The following RHBDD1 variants were observed in gnomAD, a reference collection of about 807,000 sequenced individuals.
The protein encoded by RHBDD1 is rhomboid domain containing 1.
In RHBDD1, 38 loss-of-function variants were observed where a neutral mutation model predicts 36.3. The ratio of observed to expected loss-of-function variants is 1.05; its 90% CI spans 0.81 to 1.37. The LOEUF (loss-of-function observed/expected upper bound fraction) is 1.37. Among genes scored for constraint, RHBDD1 ranks in the 40% most tolerant of loss-of-function variants. The pLI, the probability that RHBDD1 is intolerant of heterozygous loss-of-function variation, is 0.00. For missense variants in RHBDD1, 393 were observed against 377.6 expected (o/e 1.04, Z -0.34); for synonymous variants, 151 against 136.5 (o/e 1.11, Z -0.74).
chr2:226,910,128 AC>A (rs2125674512), intron 7 of RHBDD1, among the ~76,000 whole-genome samples: 1 of 152,322 alleles, frequency 6.6e-6, no homozygotes, highest in Non-Finnish European at 1.5e-5. Context: ...ATTTAACCTT[AC>A]AAAATAGGGC....
At chr2:226,867,619 T>C in intron 5 of RHBDD1, 1 of 985,322 alleles carries the variant, frequency 1.0e-6, no homozygotes, top group African/African-American at 1.7e-5. Flanking sequence ...ATCAGCTGGT[T>C]AATTCTGAAA....
intron 5 of RHBDD1, among the ~76,000 whole-genome samples, chr2:226,891,812 G>A (rs1946711697): frequency 6.6e-6 from 1 of 152,226 alleles, no homozygotes; most frequent in South Asian, 2.1e-4. Flanking sequence ...GAATACTGAA[G>A]ACCTGGGCTG....
intron 5 of RHBDD1, 113 bp downstream of exon 5, chr2:226,867,431 T>C (rs1438395561): frequency 7.9e-7 from 1 of 1,273,032 alleles, no homozygotes; most frequent in Non-Finnish European, 1.1e-6. Context: ...TTATTCTTTA[T>C]CTATTAGGAC....
intron 8 of RHBDD1, among the ~76,000 whole-genome samples, chr2:226,993,867 A>G (rs1958809001): frequency 6.6e-6 from 1 of 152,256 alleles, no homozygotes. Context: ...TGGTTTTAAC[A>G]GTTGCCATGT....
intron 8 of RHBDD1, among the ~76,000 whole-genome samples, chr2:226,922,779 T>C (rs1949413558): frequency 6.6e-6 from 1 of 152,192 alleles, no homozygotes. Context: ...TTTGTGTATC[T>C]GTTGTATATT....
intron 3 of RHBDD1, among the ~76,000 whole-genome samples, chr2:226,847,563 A>C (rs148670294): frequency 6.6e-6 from 1 of 152,210 alleles, no homozygotes. Flanking sequence ...CAGCAGAGGA[A>C]AGCATATTCA....
chr2:226,912,548 A>G (rs1948595728), intron 7 of RHBDD1, among the ~76,000 whole-genome samples: 1 of 152,144 alleles, frequency 6.6e-6, no homozygotes, highest in African/African-American at 2.4e-5. Flanking sequence ...GTACCGATAA[A>G]TGTAACAAAA....
chr2:226,882,360 G>T lies in RHBDD1; in HGVS notation c.566+15042G>T, dbSNP rs561040614. On this transcript the variant is annotated intron_variant, in intron 5 of 8. Coordinates refer to ENST00000392062, the MANE Select transcript of RHBDD1 (RefSeq NM_001167608.3). ...CAGGAGAATTGCTTGAACCCGGTAG[G>T]TGGAGGTTGTAGTGAGCCAAGATCA... Among the ~76,000 whole-genome samples, 29 of 149,162 alleles carry T rather than the reference G, an allele frequency of 1.9e-4. No homozygotes were observed. The East Asian group carries it at 3.0e-3, about 15-fold the overall frequency.
chr2:226,959,914 C>T (rs953420381), intron 8 of RHBDD1, among the ~76,000 whole-genome samples: 5 of 152,092 alleles, frequency 3.3e-5, no homozygotes, highest in Non-Finnish European at 7.4e-5. Context: ...CCTCTGCCTC[C>T]TGGGTTCAAG....
At chr2:226,952,293 G>GTTTTT (rs5839184) in intron 8 of RHBDD1, among the ~76,000 whole-genome samples, 1 of 71,220 alleles carries the variant, frequency 1.4e-5, no homozygotes. Flanking sequence ...TTTTGGTTTG[G>GTTTTT]TTTTTTTTTT....
intron 5 of RHBDD1, among the ~76,000 whole-genome samples, chr2:226,897,889 G>C (rs1224323855): frequency 6.6e-6 from 1 of 152,164 alleles, no homozygotes; most frequent in African/African-American, 2.4e-5. Context: ...TGAGGCAGGA[G>C]AATCACTTGA....
intron 8 of RHBDD1, among the ~76,000 whole-genome samples, chr2:226,943,597 C>T (rs1950796563): frequency 6.6e-6 from 1 of 152,152 alleles, no homozygotes; most frequent in Admixed American, 6.5e-5. Flanking sequence ...ATATAGAACA[C>T]CTACTCTCTT....
chr2:226,967,161 C>T (rs1952699994), intron 8 of RHBDD1, among the ~76,000 whole-genome samples: 1 of 152,054 alleles, frequency 6.6e-6, no homozygotes, highest in South Asian at 2.1e-4. Context: ...GGCCCCCGTT[C>T]CCAAGAGTAA....
chr2:226,843,442 C>G (rs909184601), intron 3 of RHBDD1, among the ~76,000 whole-genome samples: 2 of 151,952 alleles, frequency 1.3e-5, no homozygotes, highest in African/African-American at 2.4e-5. Flanking sequence ...GAGGTAAGTG[C>G]CTTTAATCCC....
At chr2:226,800,875 G>A in the RHBDD1 span, among the ~76,000 whole-genome samples, 2 of 152,204 alleles carry the variant, frequency 1.3e-5, no homozygotes, top group Non-Finnish European at 2.9e-5. Flanking sequence ...TTCATGAGTG[G>A]ACCAGATCAG....
At chr2:226,886,333 A>G (rs7587551) in intron 5 of RHBDD1, among the ~76,000 whole-genome samples, 36,218 of 152,126 alleles carry the variant, frequency 0.24, 8,075 homozygotes, top group African/African-American at 0.59. Flanking sequence ...AAATAGCAAA[A>G]TGTAAAAATA....
intron 8 of RHBDD1, among the ~76,000 whole-genome samples, chr2:226,926,726 A>G (rs1277134370): frequency 2.0e-5 from 3 of 152,172 alleles, no homozygotes; most frequent in Non-Finnish European, 4.4e-5. Flanking sequence ...TCTCTGTTGC[A>G]AAGGTACATT....
At chr2:226,833,986 A>G (rs949951020), upstream of RHBDD1, among the ~76,000 whole-genome samples, 3 of 152,260 alleles carry the variant, frequency 2.0e-5, no homozygotes, top group African/African-American at 7.2e-5. Flanking sequence ...TCTATCTGTT[A>G]AATGTCTTTT....
At chr2:226,902,353 T>G (rs965502922) in intron 5 of RHBDD1, among the ~76,000 whole-genome samples, 3 of 152,192 alleles carry the variant, frequency 2.0e-5, no homozygotes, top group Admixed American at 1.3e-4. Context: ...GCCCAGGGCT[T>G]CTTTCTGTCT....
Sources: gnomAD v4.1 joint callset for allele counts (sites outside exome capture counted in the v4.1 genomes callset) on GRCh38, gnomAD v4.1.1 for gene constraint, MANE v1.5 for transcripts, NCBI Gene and HGNC (gene_info 2026-07-23, HGNC 2026-07-21) for gene names.